Variants in DNM2 observed in about 807,000 individuals in gnomAD.
The protein encoded by DNM2 is dynamin-2.
DNM2 carries 15 observed loss-of-function variants against 99.0 expected under a neutral mutation model. That is an observed-to-expected ratio of 0.15 (90% CI 0.10 to 0.23). The LOEUF is 0.23. DNM2 is among the 10% of genes least tolerant of loss of function. The probability of loss-of-function intolerance (pLI) is 1.00; values close to 1 mark genes in which losing one functional copy is unlikely to be tolerated. For missense variants in DNM2, 742 were observed against 1,189.4 expected, an observed-to-expected ratio of 0.62 and a Z score of 5.53; for synonymous variants, 525 against 481.2, an observed-to-expected ratio of 1.09 and a Z score of -1.19.
chr19:10,797,452 G>A lies in DNM2; in HGVS notation c.1269G>A (p.Pro423=), dbSNP rs375304298. 19 of 1,614,054 alleles carry A rather than the reference G, an allele frequency of 1.2e-5. No individual in the cohort carries two copies. The highest frequency in any genetic ancestry group is 1.7e-4 in the Middle Eastern group (1 of 6,044). The change falls in exon 10 of 21, where the codon CCG becomes CCA. Residue 423 remains proline, a synonymous_variant. Coordinates refer to ENST00000389253, the MANE Select transcript of DNM2 (RefSeq NM_001005361.3). ...AACAGATTGTAAAACTCAAAGAGCC[G>A]AGTTTGAAGTGTGTTGATCTCGTGG... ...VKKQIVKLKE[P]SLKCVDLVVS...
chr19:10,829,364 A>C, intron 19 of DNM2, 96 bp downstream of exon 19: 1 of 1,469,458 alleles, frequency 6.8e-7, no homozygotes, highest in Non-Finnish European at 9.3e-7. Flanking sequence ...AACAGGACAC[A>C]GCCCAAGGGT....
At position 10,812,322 on chromosome 19, in the gene DNM2, A is replaced by G; in HGVS notation, c.1616A>G (p.Lys539Arg). 1 of 1,611,392 alleles carries G rather than the reference A, an allele frequency of 6.2e-7. No homozygotes were observed. The highest frequency in any genetic ancestry group is 1.1e-5 in the South Asian group (1 of 90,864). ...NNISLMKGGS[K>R]EYWFVLTAES... is the part of the protein sequence containing the mutation. ...ATCAGCCTGATGAAAGGCGGCTCCA[A>G]GGAGTACTGGTTTGTGCTGACTGCC... Residue 539 changes from lysine (K) to arginine (R), a missense_variant, in exon 15 of 21, where the codon AAG becomes AGG. By Grantham distance (26) the Lys-to-Arg change is conservative (BLOSUM62 2). Around this residue, in one of 7 missense-constraint regions of DNM2, gnomAD observed 240 missense variants for 431.3 expected, o/e 0.56. Coordinates refer to ENST00000389253, the MANE Select transcript of DNM2 (RefSeq NM_001005361.3). The surrounding 1 kb of genome is among the most constrained non-coding windows in gnomAD (Gnocchi z 4.0).
At chr19:10,761,313 C>T (rs769404685) in intron 2 of DNM2, among the ~76,000 whole-genome samples, 1 of 152,106 alleles carries the variant, frequency 6.6e-6, no homozygotes, top group Non-Finnish European at 1.5e-5. Context: ...CAGACTTTGA[C>T]TCTTAGGGAG....
At chr19:10,821,836 C>A (rs1159998128) in intron 16 of DNM2, among the ~76,000 whole-genome samples, 1 of 152,024 alleles carries the variant, frequency 6.6e-6, no homozygotes, top group African/African-American at 2.4e-5. Context: ...TGGCCCAAAA[C>A]CCCGACTTCT....
At position 10,828,743 on chromosome 19, in the gene DNM2, G is replaced by T. The variant is rs533015998; in HGVS notation, c.2059-293G>T. ...TCTCATAACCAGCCTGGGCCACATG[G>T]TGGAACCCTATCTCTAAAAAAATTA... On this transcript the variant is annotated intron_variant, in intron 18 of 20. Coordinates refer to ENST00000389253, the MANE Select transcript of DNM2 (RefSeq NM_001005361.3). Among the ~76,000 whole-genome samples, 44 of 152,172 alleles carry T rather than the reference G, an allele frequency of 2.9e-4. 1 individual carries two copies. In the South Asian group the frequency reaches 9.1e-3, roughly 32 times the overall value.
chr19:10,747,324 T>TC (rs1208156508), intron 1 of DNM2, among the ~76,000 whole-genome samples: 2 of 152,180 alleles, frequency 1.3e-5, no homozygotes, highest in African/African-American at 4.8e-5. Flanking sequence ...CCTGCCCATC[T>TC]TGTCCAGAAA....
chr19:10,733,827 C>T (rs1322323319), intron 1 of DNM2, among the ~76,000 whole-genome samples: 3 of 151,366 alleles, frequency 2.0e-5, no homozygotes, highest in Admixed American at 6.6e-5. Flanking sequence ...GCCAACATAG[C>T]GAAACCCCAT....
At chr19:10,741,994 T>G (rs553171038) in intron 1 of DNM2, among the ~76,000 whole-genome samples, 2 of 151,990 alleles carry the variant, frequency 1.3e-5, no homozygotes, top group East Asian at 3.9e-4. Flanking sequence ...TACCCTTCTT[T>G]CTTTTCCTTC....
At chr19:10,779,076 G>A (rs924932514) in intron 5 of DNM2, among the ~76,000 whole-genome samples, 22 of 151,878 alleles carry the variant, frequency 1.4e-4, no homozygotes, top group Non-Finnish European at 2.4e-4. Flanking sequence ...TTAGCCAGGC[G>A]TGGTGGCACA....
intron 1 of DNM2, among the ~76,000 whole-genome samples, chr19:10,742,369 AC>A (rs969198237): frequency 1.3e-5 from 2 of 151,704 alleles, no homozygotes; most frequent in African/African-American, 4.8e-5. Flanking sequence ...CTTCACTCCC[AC>A]CCCCGTCACC....
At chr19:10,826,061 G>C (rs192421780) in intron 18 of DNM2, among the ~76,000 whole-genome samples, 389 of 152,114 alleles carry the variant, frequency 2.6e-3, no homozygotes, top group Middle Eastern at 0.01. Flanking sequence ...AAATTTGAAT[G>C]AATCACCACC....
chr19:10,783,340 G>T (rs2071439660), intron 6 of DNM2, among the ~76,000 whole-genome samples: 2 of 152,176 alleles, frequency 1.3e-5, no homozygotes, highest in Non-Finnish European at 2.9e-5. Flanking sequence ...GGTGGCACAT[G>T]CCTGTAGTCC....
chr19:10,794,158 A>G (rs2071847090), intron 8 of DNM2, among the ~76,000 whole-genome samples: 1 of 152,328 alleles, frequency 6.6e-6, no homozygotes, highest in Non-Finnish European at 1.5e-5. Context: ...TGTCCCTAGC[A>G]TGTCATTGAA....
chr19:10,828,916 C>T (rs955113822), intron 18 of DNM2, 120 bp from the exon 19 acceptor site: 33 of 1,040,762 alleles, frequency 3.2e-5, no homozygotes, highest in Middle Eastern at 5.2e-4. Flanking sequence ...CAGAGCAAGA[C>T]TCTTTTTCAA....
chr19:10,827,639 A>T (rs573887799), intron 18 of DNM2, among the ~76,000 whole-genome samples: 1 of 152,072 alleles, frequency 6.6e-6, no homozygotes, highest in Admixed American at 6.6e-5. Flanking sequence ...TGGGAGGCTG[A>T]GGCGGGCACA....
Position 10,830,260 on chromosome 19 carries a change from A to G in DNM2, c.2425A>G (p.Ile809Val), listed in dbSNP as rs144133111. ...GAAASFSAPP[I>V]PSRPGPQSVF... is the part of the protein sequence containing the mutation. ...AGCAGCCTCCTTCTCGGCGCCCCCAATCCCATCCCGGCCTGGACCCCAGAG... is the reference window on the plus strand; with the variant it reads ...AGCAGCCTCCTTCTCGGCGCCCCCAGTCCCATCCCGGCCTGGACCCCAGAG... Residue 809 changes from isoleucine (I) to valine (V), a missense_variant, in exon 20 of 21, where the codon ATC (isoleucine) becomes GTC (valine). By Grantham distance (29) the Ile-to-Val change is conservative. This residue lies in a region of DNM2 where 187 missense variants were observed against 218.8 expected (regional missense o/e 0.85). Coordinates refer to ENST00000389253, the MANE Select transcript of DNM2 (RefSeq NM_001005361.3). The surrounding 1 kb of genome is among the most constrained non-coding windows in gnomAD (Gnocchi z 4.8). 34 of 1,613,320 alleles carry G rather than the reference A, an allele frequency of 2.1e-5. No homozygotes were observed. The African/African-American group carries it at 2.1e-4, about 10-fold the overall frequency.
At position 10,796,440 on chromosome 19, in the gene DNM2, A is replaced by G. The variant is rs79068463; in HGVS notation, c.1197-940A>G. ...AGACAGATGCACAGTTGTCCCTGGGACCCTGATACCAAGCCTAGCATGTGT... is the reference window on the plus strand; with the variant it reads ...AGACAGATGCACAGTTGTCCCTGGGGCCCTGATACCAAGCCTAGCATGTGT... On this transcript the variant is annotated intron_variant, in intron 9 of 20. Coordinates refer to ENST00000389253, the MANE Select transcript of DNM2 (RefSeq NM_001005361.3). This position sits in a 1 kb window ranked among gnomAD's most constrained non-coding sequence, Gnocchi z 5.6. Among the ~76,000 whole-genome samples the G allele has an allele frequency of 8.5e-3, 1,285 of 152,064 alleles. 12 individuals carry two copies. The highest frequency in any genetic ancestry group is 0.029 in the African/African-American group (1,221 of 41,474).
At chr19:10,718,902 G>A (rs1338985078) in intron 1 of DNM2, among the ~76,000 whole-genome samples, 1 of 152,154 alleles carries the variant, frequency 6.6e-6, no homozygotes, top group African/African-American at 2.4e-5. Flanking sequence ...CCATTTGGTT[G>A]TCCATCTGTC....
rs2072548628 is a variant in DNM2, at chr19:10,811,644, C to T, written c.1558-620C>T. 1.0e-5 allele frequency: 5 copies of T among 492,482 alleles called. No homozygotes were observed. Among genetic ancestry groups the T allele is most frequent in the African/African-American group, 3.9e-5 (2 of 51,266 alleles). 30.5% of individuals were successfully genotyped at this position (492,482 alleles called of 1,614,324 possible). A position where few individuals can be genotyped will look rare whatever the true frequency, so the allele number is the denominator to read the frequency against. ...CCAGGGAGCATGGGAGCACAGCCCCCAGGCTGCCTGCCGTTAGTTGTCAGG... is the reference window on the plus strand; with the variant it reads ...CCAGGGAGCATGGGAGCACAGCCCCTAGGCTGCCTGCCGTTAGTTGTCAGG... On this transcript the variant is annotated intron_variant, in intron 14 of 20. Coordinates refer to ENST00000389253, the MANE Select transcript of DNM2 (RefSeq NM_001005361.3). This position sits in a 1 kb window ranked among gnomAD's most constrained non-coding sequence, Gnocchi z 5.4.
Sources: gnomAD v4.1 joint callset for allele counts (sites outside exome capture counted in the v4.1 genomes callset) on GRCh38, gnomAD v4.1.1 for gene constraint, gnomAD v4.1.1 regional missense constraint, Gnocchi (gnomAD v3.1) non-coding constraint, MANE v1.5 for transcripts, NCBI Gene and HGNC (gene_info 2026-07-23, HGNC 2026-07-21) for gene names.